ARHGAP26: variants seen among roughly 807,000 people sequenced by gnomAD.
The protein encoded by ARHGAP26 is Rho GTPase activating protein 26, also known as rho GTPase-activating protein 26.
Under a neutral mutation model 104.8 loss-of-function variants are expected in ARHGAP26, and 38 were observed. The observed-to-expected ratio is 0.36, with a 90% CI of 0.28 to 0.48. The LOEUF is 0.48. Ranked by LOEUF, ARHGAP26 falls within the 20% of genes least tolerant of loss-of-function variation. The pLI, the probability that ARHGAP26 is intolerant of heterozygous loss-of-function variation, is 0.99. For missense variants in ARHGAP26, 704 were observed against 947.9 expected, an observed-to-expected ratio of 0.74 and a Z score of 3.38; for synonymous variants, 341 against 340.0, an observed-to-expected ratio of 1.00 and a Z score of -0.03.
chr5:143,118,886 A>G (rs921881741), intron 17 of ARHGAP26, among the ~76,000 whole-genome samples: 1 of 151,952 alleles, frequency 6.6e-6, no homozygotes, highest in Non-Finnish European at 1.5e-5. Context: ...ACATGTATAC[A>G]TATGTAACAA....
At chr5:142,951,639 C>G (rs1222072982) in intron 11 of ARHGAP26, among the ~76,000 whole-genome samples, 1 of 152,128 alleles carries the variant, frequency 6.6e-6, no homozygotes, top group East Asian at 1.9e-4. Flanking sequence ...CCTTCCAGCT[C>G]TGAGATGTGA....
intron 11 of ARHGAP26, among the ~76,000 whole-genome samples, chr5:142,937,061 C>A (rs1765525877): frequency 6.6e-6 from 1 of 151,788 alleles, no homozygotes; most frequent in African/African-American, 2.4e-5. Flanking sequence ...TGTGAAAGAC[C>A]CTGGTAAGAG....
intron 5 of ARHGAP26, 50 bp downstream of exon 5, chr5:142,885,449 T>A (rs1195512138): frequency 6.6e-7 from 1 of 1,506,000 alleles, no homozygotes. Flanking sequence ...TTGTACATGA[T>A]GCTGTGGATA....
At chr5:142,907,422 A>G in intron 8 of ARHGAP26, 1 of 192,786 alleles carries the variant, frequency 5.2e-6, no homozygotes, top group Non-Finnish European at 1.1e-5. Flanking sequence ...TTCCCCAGGG[A>G]ACCTTTACTT....
At chr5:142,958,642 G>A (rs915777077) in intron 11 of ARHGAP26, among the ~76,000 whole-genome samples, 1 of 152,212 alleles carries the variant, frequency 6.6e-6, no homozygotes, top group Non-Finnish European at 1.5e-5. Flanking sequence ...ACTCCAGCCT[G>A]AGCTACAGAG....
chr5:143,177,987 C>CT lies in ARHGAP26; in HGVS notation c.1989-29181dup, dbSNP rs397705462. 7.5e-3 allele frequency among the ~76,000 whole-genome samples: 439 copies of CT among 58,356 alleles called. 37 individuals are homozygous for CT. The highest frequency in any genetic ancestry group is 8.6e-3 in the Admixed American group (34 of 3,956). The allele number at this position is 58,356 out of a possible 152,430, so 38.3% of individuals were successfully genotyped here. On this transcript the variant is annotated intron_variant, in intron 20 of 22. Coordinates refer to ENST00000645722, the MANE Select transcript of ARHGAP26 (RefSeq NM_001135608.3). ...GCCTGTTCAAGTCTGTGTGGCAGTC[C>CT]TTTTTTTTTTTTTTTTTTTTTTTTT...
In ARHGAP26 at chr5:142,949,232, G is replaced by GAGAGAGAGAGAGAGAGAGAGAGA. The variant is rs11369150; in HGVS notation, c.1107+17107_1107+17108insAGAGAGAGAGAGAGAGAGAGAGA. 2.2e-4 allele frequency among the ~76,000 whole-genome samples: 6 copies of GAGAGAGAGAGAGAGAGAGAGAGA among 27,324 alleles called. 1 individual carries two copies. The highest frequency in any genetic ancestry group is 3.7e-3 in the South Asian group (2 of 534). 17.9% of individuals were successfully genotyped at this position (27,324 alleles called of 152,430 possible). The stretch of plus-strand genomic sequence containing the variant: ...GAGAGAGAGAGAGAGGAGAGAGAGA[G>GAGAGAGAGAGAGAGAGAGAGAGA]GAGAGAGAGAGAGAGAGAGAGAGAG... On this transcript the variant is annotated intron_variant, in intron 11 of 22. Coordinates refer to ENST00000645722, the MANE Select transcript of ARHGAP26 (RefSeq NM_001135608.3).
chr5:143,042,598 A>C lies in ARHGAP26; in HGVS notation c.1285+708A>C, dbSNP rs542687317. On this transcript the variant is annotated intron_variant, in intron 14 of 22. Transcript: ENST00000645722. ...TGAATCACATGGACCTAAATGGCAAACAGATCAGGTTTCACAGAGGCTGTT... is the reference window on the plus strand; with the variant it reads ...TGAATCACATGGACCTAAATGGCAACCAGATCAGGTTTCACAGAGGCTGTT... Among the ~76,000 whole-genome samples, 19 of 152,318 alleles carry C rather than the reference A, an allele frequency of 1.2e-4. No homozygotes were observed. The South Asian group carries it at 3.7e-3, about 30-fold the overall frequency.
intron 21 of ARHGAP26, among the ~76,000 whole-genome samples, chr5:143,211,602 G>T (rs1809478277): frequency 1.3e-5 from 2 of 150,226 alleles, no homozygotes; most frequent in African/African-American, 2.5e-5. Context: ...TTGAGCCAGG[G>T]TCTCACTTGA....
chr5:142,915,400 C>T (rs887009443), intron 10 of ARHGAP26: 7 of 151,556 alleles, frequency 4.6e-5, no homozygotes, highest in African/African-American at 1.7e-4. Context: ...GCTCTGTCAC[C>T]CAGGCTGGAG....
In ARHGAP26 at chr5:143,222,449, G is replaced by C. The variant is rs376395047; in HGVS notation, c.*3G>C. 2 of 1,587,302 alleles carry C rather than the reference G, an allele frequency of 1.3e-6. No homozygotes were observed. The highest frequency in any genetic ancestry group is 1.7e-6 in the Non-Finnish European group (2 of 1,161,540). On this transcript the variant is annotated 3_prime_UTR_variant, in exon 23 of 23. Coordinates refer to ENST00000645722, the MANE Select transcript of ARHGAP26 (RefSeq NM_001135608.3). ...AGAATTACGTGGAGTTCCTCTAACCGTGGGCCCCAGCAGAACTGCTGAGCT... is the reference window on the plus strand; with the variant it reads ...AGAATTACGTGGAGTTCCTCTAACCCTGGGCCCCAGCAGAACTGCTGAGCT...
intron 1 of ARHGAP26, among the ~76,000 whole-genome samples, chr5:142,821,189 C>T (rs28719071): frequency 0.022 from 3,378 of 151,640 alleles, 82 homozygotes; most frequent in African/African-American, 0.06. Flanking sequence ...AAGAGAAGAG[C>T]GGGTGAATTA....
intron 11 of ARHGAP26, among the ~76,000 whole-genome samples, chr5:142,962,602 GTTTTT>G (rs146481229): frequency 6.6e-6 from 1 of 151,112 alleles, no homozygotes; most frequent in Non-Finnish European, 1.5e-5. Context: ...ATGGTGAAAG[GTTTTT>G]TTTTGGTTGT....
At chr5:142,930,054 A>T (rs1389928596) in intron 10 of ARHGAP26, among the ~76,000 whole-genome samples, 1 of 152,184 alleles carries the variant, frequency 6.6e-6, no homozygotes, top group African/African-American at 2.4e-5. Context: ...CAGATTGAGT[A>T]GAGTGGGGTT....
intron 18 of ARHGAP26, 90 bp from the exon 19 acceptor site, chr5:143,133,877 C>G (rs1015945104): frequency 2.3e-6 from 3 of 1,304,570 alleles, no homozygotes; most frequent in African/African-American, 1.5e-5. Context: ...AATTCCAAGA[C>G]ACTGCCAAGC....
chr5:142,886,899 G>A (rs1182666114), intron 5 of ARHGAP26, among the ~76,000 whole-genome samples: 1 of 152,134 alleles, frequency 6.6e-6, no homozygotes, highest in African/African-American at 2.4e-5. Flanking sequence ...TTTAGGATTT[G>A]GAAACTAACT....
intron 14 of ARHGAP26, among the ~76,000 whole-genome samples, chr5:143,048,926 A>AG (rs1200554332): frequency 1.3e-5 from 2 of 151,528 alleles, no homozygotes; most frequent in African/African-American, 4.9e-5. Context: ...AAAGAAAAAA[A>AG]AAAAAAAAAA....
chr5:142,807,973 C>A (rs1188960836), intron 1 of ARHGAP26, among the ~76,000 whole-genome samples: 1 of 152,064 alleles, frequency 6.6e-6, no homozygotes, highest in African/African-American at 2.4e-5. Flanking sequence ...TGGTGGCTCA[C>A]GCCTGTAATC....
At chr5:142,827,839 A>G (rs1767591993) in intron 1 of ARHGAP26, among the ~76,000 whole-genome samples, 1 of 152,254 alleles carries the variant, frequency 6.6e-6, no homozygotes. Flanking sequence ...TGTCTGGCAC[A>G]TGTAAATGCT....
Sources: allele counts gnomAD v4.1 joint callset (sites outside exome capture counted in the v4.1 genomes callset), GRCh38; gene constraint gnomAD v4.1.1; transcripts MANE v1.5; gene names NCBI Gene and HGNC (gene_info 2026-07-23, HGNC 2026-07-21).